Variants in NINL observed in about 807,000 individuals in gnomAD.
The protein encoded by NINL is ninein-like protein.
In NINL, 153 loss-of-function variants were observed where a neutral mutation model predicts 160.3. The ratio of observed to expected loss-of-function variants is 0.95; its 90% CI spans 0.84 to 1.09. The LOEUF is 1.09. Among genes scored for constraint, NINL ranks in the 50% least tolerant of loss-of-function variants. The pLI is 0.00. For missense variants in NINL, 1,829 were observed against 1,764.0 expected, an observed-to-expected ratio of 1.04 and a Z score of -0.66; for synonymous variants, 800 against 734.8, an observed-to-expected ratio of 1.09 and a Z score of -1.43.
intron 2 of NINL, 52 bp downstream of exon 2, chr20:25,526,356 G>A: frequency 6.7e-7 from 1 of 1,502,818 alleles, no homozygotes; most frequent in Non-Finnish European, 9.0e-7. Flanking sequence ...GCCCATAAGA[G>A]CCAACTATAG....
chr20:25,460,596 T>G (rs1206300184), intron 21 of NINL, among the ~76,000 whole-genome samples: 1 of 152,032 alleles, frequency 6.6e-6, no homozygotes, highest in Non-Finnish European at 1.5e-5. Context: ...TAGAGAAGGG[T>G]GCCTCAAATA....
At chr20:25,562,914 T>G (rs1312390074) in intron 1 of NINL, among the ~76,000 whole-genome samples, 1 of 152,112 alleles carries the variant, frequency 6.6e-6, no homozygotes, top group East Asian at 1.9e-4. Context: ...ACACCTGTAA[T>G]CCCAGCACTT....
intron 1 of NINL, among the ~76,000 whole-genome samples, chr20:25,557,301 A>G (rs1330855233): frequency 6.6e-6 from 1 of 152,044 alleles, no homozygotes; most frequent in South Asian, 2.1e-4. Flanking sequence ...AAGGCCAAGG[A>G]GGGTGAATCA....
At chr20:25,545,016 C>T (rs537582658) in intron 1 of NINL, among the ~76,000 whole-genome samples, 1 of 152,348 alleles carries the variant, frequency 6.6e-6, no homozygotes, top group Non-Finnish European at 1.5e-5. Flanking sequence ...GAAGTCTCAA[C>T]CCTCAGGGCC....
At chr20:25,469,909 G>C (rs954247032) in intron 18 of NINL, 82 bp downstream of exon 18, 27 of 911,968 alleles carry the variant, frequency 3.0e-5, no homozygotes, top group Admixed American at 1.7e-4. Context: ...ACTTCCCACT[G>C]TCTATATGGA....
chr20:25,564,144 T>C (rs865854120), intron 1 of NINL, among the ~76,000 whole-genome samples: 129 of 151,638 alleles, frequency 8.5e-4, no homozygotes, highest in African/African-American at 3.0e-3. Flanking sequence ...GCTTTTTTTT[T>C]TTTCTTTTTT....
At chr20:25,527,954 C>T (rs2064387959) in intron 1 of NINL, among the ~76,000 whole-genome samples, 1 of 152,104 alleles carries the variant, frequency 6.6e-6, no homozygotes, top group Non-Finnish European at 1.5e-5. Flanking sequence ...CCTAAAATAT[C>T]CAACAGAAGA....
chr20:25,576,353 T>C (rs1285364670), intron 1 of NINL, among the ~76,000 whole-genome samples: 1 of 152,228 alleles, frequency 6.6e-6, no homozygotes, highest in Non-Finnish European at 1.5e-5. Context: ...GGGGCACAGA[T>C]GTCTCATAAC....
intron 1 of NINL, among the ~76,000 whole-genome samples, chr20:25,532,431 G>T (rs1791842517): frequency 6.6e-6 from 1 of 152,262 alleles, no homozygotes; most frequent in African/African-American, 2.4e-5. Context: ...CAGGCTCATG[G>T]CATAGGCAGT....
chr20:25,575,936 C>G (rs757989285), intron 1 of NINL, among the ~76,000 whole-genome samples: 6 of 152,148 alleles, frequency 3.9e-5, no homozygotes, highest in East Asian at 1.9e-4. Flanking sequence ...CTCTCCTTCT[C>G]CATTTGAAAT....
intron 3 of NINL, among the ~76,000 whole-genome samples, chr20:25,516,571 G>A (rs1300755371): frequency 6.6e-6 from 1 of 152,166 alleles, no homozygotes; most frequent in Non-Finnish European, 1.5e-5. Flanking sequence ...TACAACATCA[G>A]AGGACCAGGC....
intron 21 of NINL, 44 bp downstream of exon 21, chr20:25,461,478 A>C (rs775335149): frequency 1.5e-5 from 18 of 1,187,494 alleles, no homozygotes; most frequent in Non-Finnish European, 1.9e-5. Context: ...TGCTGCTCCC[A>C]GGTGGGACTG....
At chr20:25,517,650 T>C (rs1331769030) in intron 3 of NINL, 103 bp downstream of exon 3, 4 of 828,696 alleles carry the variant, frequency 4.8e-6, no homozygotes, top group African/African-American at 1.8e-5. Flanking sequence ...GAAAGTAAGG[T>C]AGAATTCAGT....
chr20:25,455,626 G>T (rs752076468), intron 23 of NINL, 47 bp downstream of exon 23: 6 of 1,382,966 alleles, frequency 4.3e-6, no homozygotes, highest in Non-Finnish European at 3.1e-6. Flanking sequence ...AGTGGAGAGC[G>T]TTCAGAAGAG....
At chr20:25,573,069 G>A (rs1183537157) in intron 1 of NINL, among the ~76,000 whole-genome samples, 1 of 152,126 alleles carries the variant, frequency 6.6e-6, no homozygotes, top group Non-Finnish European at 1.5e-5. Flanking sequence ...GGCCGAGGCG[G>A]GCGGATCACC....
intron 2 of NINL, among the ~76,000 whole-genome samples, chr20:25,518,081 G>A (rs2064192868): frequency 6.6e-6 from 1 of 152,192 alleles, no homozygotes; most frequent in African/African-American, 2.4e-5. Flanking sequence ...CAACAATTTT[G>A]TAAATCAAAC....
intron 1 of NINL, among the ~76,000 whole-genome samples, chr20:25,558,995 T>C (rs1027612429): frequency 6.6e-6 from 1 of 152,234 alleles, no homozygotes; most frequent in Non-Finnish European, 1.5e-5. Context: ...CTTATGATAT[T>C]CTCCAGCGTT....
intron 3 of NINL, 139 bp downstream of exon 3, chr20:25,517,614 C>A: frequency 1.6e-6 from 1 of 635,628 alleles, no homozygotes; most frequent in Non-Finnish European, 2.7e-6. Context: ...GTGTTTTTTC[C>A]AAGTCCATAT....
intron 1 of NINL, among the ~76,000 whole-genome samples, chr20:25,546,234 C>T (rs1010328449): frequency 6.6e-6 from 1 of 152,192 alleles, no homozygotes; most frequent in Non-Finnish European, 1.5e-5. Flanking sequence ...AACACCTTCA[C>T]AGCATACACT....
Sources: allele counts gnomAD v4.1 joint callset (sites outside exome capture counted in the v4.1 genomes callset), GRCh38; gene constraint gnomAD v4.1.1; transcripts MANE v1.5; gene names NCBI Gene and HGNC (gene_info 2026-07-23, HGNC 2026-07-21).